Variants in FSTL4 observed in about 807,000 individuals in gnomAD.
FSTL4 encodes the protein follistatin-related protein 4.
A neutral mutation model predicts 78.2 loss-of-function variants in FSTL4; 28 were observed. The ratio of observed to expected loss-of-function variants is 0.36; its 90% CI spans 0.27 to 0.49. FSTL4 has a LOEUF of 0.49. FSTL4 is among the 20% of genes least tolerant of loss of function. The pLI is 0.98. For missense variants in FSTL4, 922 were observed against 1,084.9 expected, an observed-to-expected ratio of 0.85 and a Z score of 2.11; for synonymous variants, 422 against 440.5, an observed-to-expected ratio of 0.96 and a Z score of 0.53.
chr5:133,427,538 C>G (rs1756846526), intron 3 of FSTL4: 1 of 480,590 alleles, frequency 2.1e-6, no homozygotes, highest in Admixed American at 2.0e-5. Context: ...ACAGGCGGCT[C>G]TCCTCATGAG....
chr5:133,687,527 GC>G, the FSTL4 span, among the ~76,000 whole-genome samples: 4 of 152,004 alleles, frequency 2.6e-5, no homozygotes, highest in Non-Finnish European at 5.9e-5. Context: ...ACCCAGGGGG[GC>G]TTTACAGGGC....
chr5:133,627,329 A>G, the FSTL4 span, among the ~76,000 whole-genome samples: 1 of 152,272 alleles, frequency 6.6e-6, no homozygotes, highest in Admixed American at 6.5e-5. Flanking sequence ...GATGTCTTAC[A>G]TAGCAGCAGA....
the FSTL4 span, among the ~76,000 whole-genome samples, chr5:133,686,834 G>T: frequency 2.6e-5 from 4 of 152,194 alleles, no homozygotes; most frequent in African/African-American, 9.7e-5. Flanking sequence ...CTGCCAGAGG[G>T]GAAGACTCCG....
chr5:133,504,210 T>TC (rs551350276), intron 3 of FSTL4, among the ~76,000 whole-genome samples: 41 of 151,534 alleles, frequency 2.7e-4, no homozygotes, highest in African/African-American at 9.7e-4. Context: ...GACCTGGTCC[T>TC]CCCCCCGAAA....
chr5:133,270,530 T>C (rs555865919), intron 6 of FSTL4, among the ~76,000 whole-genome samples: 1 of 152,308 alleles, frequency 6.6e-6, no homozygotes, highest in Admixed American at 6.5e-5. Context: ...CAAAATACAT[T>C]CCGGACTAAA....
the FSTL4 span, among the ~76,000 whole-genome samples, chr5:133,667,874 T>C: frequency 4.6e-5 from 7 of 152,274 alleles, no homozygotes; most frequent in Non-Finnish European, 1.0e-4. Flanking sequence ...GTGATGTCCA[T>C]GCAGAATGGT....
the FSTL4 span, among the ~76,000 whole-genome samples, chr5:133,679,856 C>G: frequency 7.2e-5 from 11 of 152,092 alleles, no homozygotes; most frequent in Non-Finnish European, 1.2e-4. Flanking sequence ...AGCCCCTTAT[C>G]TCTACCCCTG....
intron 3 of FSTL4, among the ~76,000 whole-genome samples, chr5:133,404,079 T>C (rs1756299215): frequency 6.6e-6 from 1 of 152,206 alleles, no homozygotes; most frequent in Non-Finnish European, 1.5e-5. Flanking sequence ...AAATTGGCTG[T>C]CGGCAAATAT....
At chr5:133,664,839 G>A in the FSTL4 span, among the ~76,000 whole-genome samples, 1 of 152,134 alleles carries the variant, frequency 6.6e-6, no homozygotes, top group Non-Finnish European at 1.5e-5. Context: ...TTCAAACATA[G>A]ATGAAAAATG....
chr5:133,565,525 T>G (rs981387305), intron 3 of FSTL4, among the ~76,000 whole-genome samples: 1 of 152,236 alleles, frequency 6.6e-6, no homozygotes, highest in Non-Finnish European at 1.5e-5. Flanking sequence ...GTTTCTGTGA[T>G]GTTAGAACAA....
At chr5:133,384,489 T>C (rs1374653031) in intron 4 of FSTL4, among the ~76,000 whole-genome samples, 2 of 152,216 alleles carry the variant, frequency 1.3e-5, no homozygotes, top group Non-Finnish European at 2.9e-5. Flanking sequence ...TGGCTAAGGA[T>C]GGAGGAAGGC....
In FSTL4 at chr5:133,603,876, C is replaced by T. The variant is rs377424526; in HGVS notation, c.108G>A (p.Val36=). The T allele has an allele frequency of 1.9e-6, 3 of 1,614,166 alleles. No individual in the cohort carries two copies. The highest frequency in any genetic ancestry group is 2.2e-5 in the East Asian group (1 of 44,880). The part of the protein sequence containing the change: ...PGTSRGPDVG[V]GESQAEEPRS... Reference sequence around the variant, plus strand: ...ACTATACCTCTGCCTGTGACTCCCCCACACCCACATCCGGGCCTCTGCTGG... The same window carrying T: ...ACTATACCTCTGCCTGTGACTCCCCTACACCCACATCCGGGCCTCTGCTGG... Residue 36 remains valine, a synonymous_variant, in exon 2 of 16, where the codon GTG becomes GTA. Transcript: ENST00000265342.
the FSTL4 span, among the ~76,000 whole-genome samples, chr5:133,795,710 T>A: frequency 3.3e-5 from 5 of 151,942 alleles, no homozygotes; most frequent in African/African-American, 1.2e-4. Flanking sequence ...TGAAATGGAG[T>A]GAAATCTTTT....
chr5:133,234,661 A>C (rs1023471707), intron 7 of FSTL4, among the ~76,000 whole-genome samples: 21 of 152,172 alleles, frequency 1.4e-4, no homozygotes, highest in African/African-American at 5.1e-4. Context: ...ACTAATGAGC[A>C]AGGGGGTTGT....
At chr5:133,805,438 A>C in the FSTL4 span, among the ~76,000 whole-genome samples, 1 of 152,112 alleles carries the variant, frequency 6.6e-6, no homozygotes, top group Non-Finnish European at 1.5e-5. Context: ...GGAACAAAAA[A>C]CTCAAGCTAC....
the FSTL4 span, among the ~76,000 whole-genome samples, chr5:133,644,236 C>G: frequency 6.6e-6 from 1 of 152,084 alleles, no homozygotes; most frequent in Admixed American, 6.5e-5. Flanking sequence ...TGCAGCTGTG[C>G]TAAAAAAGAC....
At chr5:133,597,618 A>G (rs1465933879) in intron 2 of FSTL4, among the ~76,000 whole-genome samples, 2 of 152,256 alleles carry the variant, frequency 1.3e-5, no homozygotes, top group Admixed American at 6.5e-5. Context: ...AAAATTGTCA[A>G]CTATGATCTC....
At chr5:133,582,016 G>A (rs1331902599) in intron 2 of FSTL4, among the ~76,000 whole-genome samples, 3 of 152,228 alleles carry the variant, frequency 2.0e-5, no homozygotes, top group African/African-American at 7.2e-5. Context: ...TCGTAACAGA[G>A]GGTATCAGCT....
chr5:133,251,861 G>A (rs1176486836), intron 6 of FSTL4, among the ~76,000 whole-genome samples: 1 of 152,248 alleles, frequency 6.6e-6, no homozygotes, highest in African/African-American at 2.4e-5. Flanking sequence ...GAGGCCAGTG[G>A]TGGCTGTGGG....
Sources: allele counts gnomAD v4.1 joint callset (sites outside exome capture counted in the v4.1 genomes callset), GRCh38; gene constraint gnomAD v4.1.1; transcripts MANE v1.5; gene names NCBI Gene and HGNC (gene_info 2026-07-23, HGNC 2026-07-21).